NCAM2: variants seen among roughly 807,000 people sequenced by gnomAD.
NCAM2 encodes N-CAM-2.
A neutral mutation model predicts 98.1 loss-of-function variants in NCAM2; 30 were observed. The observed-to-expected ratio is 0.31, with a 90% CI of 0.23 to 0.41. The LOEUF is 0.41. Ranked by LOEUF, NCAM2 falls within the 10% of genes least tolerant of loss-of-function variation. NCAM2 has a pLI of 1.00. For missense variants in NCAM2, 867 were observed against 1,005.8 expected (o/e 0.86, Z 1.87); for synonymous variants, 368 against 342.4 (o/e 1.07, Z -0.83).
Position 21,423,663 on chromosome 21 carries a change from C to T in NCAM2, c.1480+5094C>T, listed in dbSNP as rs146299261. Reference sequence around the variant, plus strand: ...AAGGGAGGTCTCTGATACTGTGCTTCACAATTGATTTTTTTTAACCTCAGT... The same window carrying T: ...AAGGGAGGTCTCTGATACTGTGCTTTACAATTGATTTTTTTTAACCTCAGT... On this transcript the variant is annotated intron_variant, in intron 11 of 17. Transcript: ENST00000400546. 5.8e-3 allele frequency among the ~76,000 whole-genome samples: 878 copies of T among 152,198 alleles called. 11 individuals carry two copies. The highest frequency in any genetic ancestry group is 0.02 in the African/African-American group (838 of 41,532).
intron 1 of NCAM2, among the ~76,000 whole-genome samples, chr21:21,000,479 CAG>C (rs1286733378): frequency 2.6e-5 from 4 of 152,070 alleles, no homozygotes; most frequent in African/African-American, 7.2e-5. Flanking sequence ...AAATAGTACA[CAG>C]AGACATAAAA....
At chr21:21,512,582 T>C (rs965808281) in intron 16 of NCAM2, among the ~76,000 whole-genome samples, 2 of 151,994 alleles carry the variant, frequency 1.3e-5, no homozygotes, top group African/African-American at 4.8e-5. Context: ...GTCTTTTGTG[T>C]TTCCATATAC....
chr21:21,067,622 C>T (rs1264312488), intron 1 of NCAM2, among the ~76,000 whole-genome samples: 1 of 152,126 alleles, frequency 6.6e-6, no homozygotes, highest in Non-Finnish European at 1.5e-5. Context: ...CCTCTTTAAA[C>T]ACTGGTAAGA....
intron 15 of NCAM2, among the ~76,000 whole-genome samples, chr21:21,483,642 A>G (rs369558137): frequency 5.9e-5 from 9 of 152,146 alleles, no homozygotes; most frequent in South Asian, 4.1e-4. Context: ...TTCTAAAACA[A>G]TGGTGAAATA....
At chr21:21,314,899 G>T (rs908387801) in intron 5 of NCAM2, among the ~76,000 whole-genome samples, 1 of 152,034 alleles carries the variant, frequency 6.6e-6, no homozygotes, top group Admixed American at 6.6e-5. Flanking sequence ...TTAAACAGTT[G>T]CTTTAAAATA....
intron 10 of NCAM2, among the ~76,000 whole-genome samples, chr21:21,415,955 G>A (rs185712731): frequency 3.6e-4 from 55 of 152,256 alleles, no homozygotes; most frequent in Non-Finnish European, 6.3e-4. Flanking sequence ...GTCCACTAGC[G>A]TAGTACTTTA....
chr21:21,163,794 G>A (rs1319180230), intron 1 of NCAM2, among the ~76,000 whole-genome samples: 1 of 152,114 alleles, frequency 6.6e-6, no homozygotes, highest in Non-Finnish European at 1.5e-5. Flanking sequence ...TAAACAAATT[G>A]AAGTGAGAAA....
At chr21:21,127,121 G>A (rs8126571) in intron 1 of NCAM2, among the ~76,000 whole-genome samples, 1 of 151,366 alleles carries the variant, frequency 6.6e-6, no homozygotes, top group African/African-American at 2.4e-5. Flanking sequence ...TTTACATGAC[G>A]GTTTTATTTG....
chr21:21,293,422 C>G (rs1185295330), intron 5 of NCAM2, among the ~76,000 whole-genome samples: 1 of 151,548 alleles, frequency 6.6e-6, no homozygotes, highest in Admixed American at 6.6e-5. Flanking sequence ...AAAATCAAAA[C>G]GACTTTTCAT....
chr21:21,241,953 C>G (rs1284720557), intron 1 of NCAM2, among the ~76,000 whole-genome samples: 1 of 151,958 alleles, frequency 6.6e-6, no homozygotes, highest in East Asian at 1.9e-4. Flanking sequence ...AGCTTGCAGA[C>G]TAATAATCAA....
intron 1 of NCAM2, among the ~76,000 whole-genome samples, chr21:21,086,103 A>G (rs2065900927): frequency 6.6e-6 from 1 of 152,210 alleles, no homozygotes; most frequent in African/African-American, 2.4e-5. Context: ...CAAGTGTAAT[A>G]TGGGACACAT....
intron 1 of NCAM2, among the ~76,000 whole-genome samples, chr21:21,069,250 A>G (rs2065506733): frequency 6.6e-6 from 1 of 152,160 alleles, no homozygotes; most frequent in Admixed American, 6.5e-5. Context: ...TATGTACTTA[A>G]TGCTGAAGTG....
At chr21:20,998,819 G>A (rs2063967346) in intron 1 of NCAM2, among the ~76,000 whole-genome samples, 2 of 152,126 alleles carry the variant, frequency 1.3e-5, no homozygotes, top group South Asian at 2.1e-4. Context: ...AATAAGAGAA[G>A]GGAAAATACA....
intron 1 of NCAM2, among the ~76,000 whole-genome samples, chr21:21,222,160 C>A (rs1469773556): frequency 6.6e-6 from 1 of 152,156 alleles, no homozygotes; most frequent in Non-Finnish European, 1.5e-5. Context: ...AAAAAAGATT[C>A]TTTCAAATAT....
intron 1 of NCAM2, among the ~76,000 whole-genome samples, chr21:21,051,367 A>G (rs1055837054): frequency 1.3e-5 from 2 of 152,182 alleles, no homozygotes; most frequent in Non-Finnish European, 2.9e-5. Context: ...TCCCAAGGAC[A>G]CTTCTTATAA....
chr21:21,144,742 C>A (rs1360659276), intron 1 of NCAM2, among the ~76,000 whole-genome samples: 1 of 152,118 alleles, frequency 6.6e-6, no homozygotes, highest in Non-Finnish European at 1.5e-5. Flanking sequence ...TCATTTATTT[C>A]TTCTTTCTTC....
At position 21,325,058 on chromosome 21, in the gene NCAM2, A is replaced by T. The variant is rs141788848; in HGVS notation, c.737+558A>T. Among the ~76,000 whole-genome samples the T allele has an allele frequency of 5.4e-3, 818 of 152,214 alleles. 7 individuals carry two copies. The highest frequency in any genetic ancestry group is 7.4e-3 in the Non-Finnish European group (503 of 68,008). On this transcript the variant is annotated intron_variant, in intron 6 of 17. Transcript: ENST00000400546. ...GTTTATTTTTTTAGAATTTTAAAAT[A>T]CTATTTGATTTTTATTAAGTTCAAG...
intron 1 of NCAM2, among the ~76,000 whole-genome samples, chr21:21,254,857 C>T (rs2071605715): frequency 6.6e-6 from 1 of 151,562 alleles, no homozygotes; most frequent in African/African-American, 2.4e-5. Flanking sequence ...GCAGATGTTA[C>T]ATACGTTATT....
intron 1 of NCAM2, among the ~76,000 whole-genome samples, chr21:21,120,437 G>T (rs1347989315): frequency 6.6e-6 from 1 of 152,118 alleles, no homozygotes; most frequent in Non-Finnish European, 1.5e-5. Flanking sequence ...CACTGTAGGT[G>T]AGTTAGTGTA....
Sources: gnomAD v4.1 joint callset for allele counts (sites outside exome capture counted in the v4.1 genomes callset) on GRCh38, gnomAD v4.1.1 for gene constraint, MANE v1.5 for transcripts, NCBI Gene and HGNC (gene_info 2026-07-23, HGNC 2026-07-21) for gene names.